Variants in NOL4L observed in about 807,000 individuals in gnomAD.
NOL4L encodes nucleolar protein 4-like.
NOL4L carries 7 observed loss-of-function variants against 64.5 expected under a neutral mutation model. That is an observed-to-expected ratio of 0.11 (90% CI 0.06 to 0.20). NOL4L has a LOEUF of 0.20. Among genes scored for constraint, NOL4L ranks in the 10% least tolerant of loss-of-function variants. The pLI, the probability that NOL4L is intolerant of heterozygous loss-of-function variation, is 1.00. For missense variants in NOL4L, 680 were observed against 967.1 expected (o/e 0.70, Z 3.94); for synonymous variants, 413 against 401.0 (o/e 1.03, Z -0.36).
intron 4 of NOL4L, chr20:32,475,158 C>A (rs75472428): frequency 0.039 from 38,749 of 985,462 alleles, 893 homozygotes; most frequent in Non-Finnish European, 0.043. Flanking sequence ...CACATGCCCG[C>A]CACCAGGCAC....
chr20:32,579,598 T>C (rs1980341434), intron 1 of NOL4L, among the ~76,000 whole-genome samples: 1 of 151,872 alleles, frequency 6.6e-6, no homozygotes, highest in Admixed American at 6.6e-5. Flanking sequence ...AGCAGAGGGT[T>C]TTCCTACCAG....
chr20:32,466,865 C>G (rs970192811), intron 5 of NOL4L, among the ~76,000 whole-genome samples: 1 of 152,184 alleles, frequency 6.6e-6, no homozygotes, highest in African/African-American at 2.4e-5. Flanking sequence ...CAATACTGAC[C>G]AGAGCAGACG....
At chr20:32,536,812 GCGCACCAACGGGGCGGGGGGGGGACA>G (rs1481174708) in intron 1 of NOL4L, among the ~76,000 whole-genome samples, 7 of 72,732 alleles carry the variant, frequency 9.6e-5, no homozygotes, top group Non-Finnish European at 1.9e-4. Flanking sequence ...GGGGGGGGGG[GCGCACCAACGGGGCGGGGGGGGGACA>G]CGCAGGAACG....
rs1010580908 is a variant in NOL4L, at chr20:32,443,610, G to C, written c.*3986C>G. 6.6e-6 allele frequency: 1 copy of C among 152,204 alleles called. No homozygotes were observed. The highest frequency in any genetic ancestry group is 1.5e-5 in the Non-Finnish European group (1 of 68,044). The allele number at this position is 152,204 out of a possible 1,614,324, so 9.4% of individuals were successfully genotyped here. A position where few individuals can be genotyped will look rare whatever the true frequency, so the allele number is the denominator to read the frequency against. On this transcript the variant is annotated 3_prime_UTR_variant, in exon 11 of 11. Coordinates refer to ENST00000621426, the MANE Select transcript of NOL4L (RefSeq NM_001256798.2). ...CCTGAAGAAATGGCTTGTACTATCTGCACTGAAAGTCTTAAATCTCATCTC... is the reference window on the plus strand; with the variant it reads ...CCTGAAGAAATGGCTTGTACTATCTCCACTGAAAGTCTTAAATCTCATCTC...
At chr20:32,499,716 G>A (rs2016839683) in intron 4 of NOL4L, among the ~76,000 whole-genome samples, 1 of 130,386 alleles carries the variant, frequency 7.7e-6, no homozygotes, top group South Asian at 2.3e-4. Context: ...TCTAGCCTGG[G>A]CAACAGAGGG....
chr20:32,487,548 ACTG>A (rs768670804), intron 4 of NOL4L, among the ~76,000 whole-genome samples: 19 of 151,630 alleles, frequency 1.3e-4, no homozygotes, highest in Admixed American at 2.6e-4. Context: ...TTGGTGCAAA[ACTG>A]CTGATGAAAG....
chr20:32,543,243 A>C (rs188703260), intron 1 of NOL4L, among the ~76,000 whole-genome samples: 2 of 152,284 alleles, frequency 1.3e-5, no homozygotes, highest in East Asian at 3.9e-4. Context: ...TGGGTCTTGA[A>C]GGATGCGTGG....
chr20:32,495,948 C>T (rs892191075), intron 4 of NOL4L, among the ~76,000 whole-genome samples: 8 of 152,122 alleles, frequency 5.3e-5, no homozygotes, highest in Non-Finnish European at 1.0e-4. Context: ...TTAGATGACT[C>T]GTGGGGCAGA....
intron 1 of NOL4L, among the ~76,000 whole-genome samples, chr20:32,536,825 G>GC (rs2018546846): frequency 8.6e-6 from 1 of 116,862 alleles, no homozygotes; most frequent in African/African-American, 3.4e-5. Context: ...CACCAACGGG[G>GC]CGGGGGGGGG....
At chr20:32,574,277 G>A (rs1979948961) in intron 1 of NOL4L, among the ~76,000 whole-genome samples, 1 of 152,160 alleles carries the variant, frequency 6.6e-6, no homozygotes, top group Non-Finnish European at 1.5e-5. Context: ...ACAATCCCAC[G>A]AGTTAAACAT....
At chr20:32,517,335 G>T (rs1425807550) in intron 3 of NOL4L, among the ~76,000 whole-genome samples, 1 of 152,214 alleles carries the variant, frequency 6.6e-6, no homozygotes, top group Admixed American at 6.5e-5. Flanking sequence ...CTCTGGGGCT[G>T]GTGCAGGCTC....
intron 1 of NOL4L, among the ~76,000 whole-genome samples, chr20:32,582,324 G>A (rs556282607): frequency 1.1e-4 from 16 of 152,322 alleles, no homozygotes; most frequent in African/African-American, 3.8e-4. Context: ...GAGCCAGGGT[G>A]GAGACTGGGG....
chr20:32,569,558 AG>A (rs1280506907), intron 1 of NOL4L, among the ~76,000 whole-genome samples: 1 of 152,094 alleles, frequency 6.6e-6, no homozygotes, highest in Non-Finnish European at 1.5e-5. Context: ...TTCCTGGGAA[AG>A]GGGGGCTCAG....
chr20:32,458,631 C>T (rs1362398744), intron 5 of NOL4L, among the ~76,000 whole-genome samples: 3 of 152,212 alleles, frequency 2.0e-5, no homozygotes, highest in Non-Finnish European at 2.9e-5. Flanking sequence ...CTTGCAGGTG[C>T]GACTTCACAT....
chr20:32,505,315 G>A (rs1429005031), intron 4 of NOL4L, among the ~76,000 whole-genome samples: 2 of 152,150 alleles, frequency 1.3e-5, no homozygotes, highest in Admixed American at 1.3e-4. Flanking sequence ...AGCCAAAAAA[G>A]TGGAAACAAC....
intron 4 of NOL4L, among the ~76,000 whole-genome samples, chr20:32,488,797 T>C (rs1255282480): frequency 4.2e-5 from 1 of 23,992 alleles, no homozygotes; most frequent in East Asian, 6.3e-3. Context: ...CTTCCTTTCT[T>C]TCTTTCTTTT....
At chr20:32,510,622 A>T (rs1345226968) in intron 4 of NOL4L, 1 of 155,076 alleles carries the variant, frequency 6.4e-6, no homozygotes, top group Non-Finnish European at 1.4e-5. Flanking sequence ...CCACAAGGAC[A>T]TGATGGGTTT....
intron 5 of NOL4L, among the ~76,000 whole-genome samples, chr20:32,456,637 T>C (rs1303944746): frequency 6.6e-6 from 1 of 152,170 alleles, no homozygotes; most frequent in Non-Finnish European, 1.5e-5. Flanking sequence ...GTGCAGGGCA[T>C]GGAGGGTCTT....
chr20:32,558,838 C>T (rs975800319), intron 1 of NOL4L, among the ~76,000 whole-genome samples: 1 of 152,192 alleles, frequency 6.6e-6, no homozygotes. Context: ...TTCGGAAGAT[C>T]GCTCTGGCTG....
Sources: allele counts gnomAD v4.1 joint callset (sites outside exome capture counted in the v4.1 genomes callset), GRCh38; gene constraint gnomAD v4.1.1; transcripts MANE v1.5; gene names NCBI Gene and HGNC (gene_info 2026-07-23, HGNC 2026-07-21).